ESYT2: variants seen among roughly 807,000 people sequenced by gnomAD.
ESYT2 encodes extended synaptotagmin-2.
In ESYT2, 54 loss-of-function variants were observed where a neutral mutation model predicts 107.2. The observed-to-expected ratio is 0.50, with a 90% CI of 0.40 to 0.63. ESYT2 has a LOEUF of 0.63. Among genes scored for constraint, ESYT2 ranks in the 30% least tolerant of loss-of-function variants. The pLI, the probability that ESYT2 is intolerant of heterozygous loss-of-function variation, is 0.00. For missense variants in ESYT2, 1,020 were observed against 1,094.5 expected, an observed-to-expected ratio of 0.93 and a Z score of 0.96; for synonymous variants, 491 against 434.1, an observed-to-expected ratio of 1.13 and a Z score of -1.63.
chr7:158,760,942 T>C (rs1837939918), intron 11 of ESYT2, among the ~76,000 whole-genome samples: 1 of 152,252 alleles, frequency 6.6e-6, no homozygotes, highest in Non-Finnish European at 1.5e-5. Context: ...TCAACACTTT[T>C]GTTTAATTTT....
At chr7:158,762,688 G>A (rs1469694307) in intron 10 of ESYT2, among the ~76,000 whole-genome samples, 1 of 152,084 alleles carries the variant, frequency 6.6e-6, no homozygotes, top group African/African-American at 2.4e-5. Flanking sequence ...AATTAATCCA[G>A]CAACTCAAAA....
In ESYT2 at chr7:158,752,863, C is replaced by T. The variant is rs1338495711; in HGVS notation, c.1420-20G>A. ...GTTACTCTTTCAAGTCAGAAGAAAACGAATATGCCAAGGGTTAATAAAACA... is the reference window on the plus strand; with the variant it reads ...GTTACTCTTTCAAGTCAGAAGAAAATGAATATGCCAAGGGTTAATAAAACA... On this transcript the variant is annotated intron_variant, in intron 13 of 22. Transcript: ENST00000275418. The T allele has an allele frequency of 1.4e-5, 18 of 1,292,502 alleles. No individual in the cohort carries two copies. Among genetic ancestry groups the T allele is most frequent in the African/African-American group, 3.1e-5 (2 of 65,550 alleles). The allele number at this position is 1,292,502 out of a possible 1,614,324, so 80.1% of individuals were successfully genotyped here. A position where few individuals can be genotyped will look rare whatever the true frequency, so the allele number is the denominator to read the frequency against.
chr7:158,747,692 G>A (rs916388877), intron 16 of ESYT2, among the ~76,000 whole-genome samples: 2 of 152,100 alleles, frequency 1.3e-5, no homozygotes, highest in African/African-American at 4.8e-5. Context: ...ACCTGCTCCT[G>A]GGCATTTTAC....
chr7:158,823,290 G>C (rs1840337892), intron 1 of ESYT2, among the ~76,000 whole-genome samples: 1 of 67,148 alleles, frequency 1.5e-5, no homozygotes, highest in African/African-American at 8.0e-5. Flanking sequence ...GTGAGACTCT[G>C]TCTCAAAAAA....
chr7:158,773,139 T>G (rs574703361), intron 7 of ESYT2, among the ~76,000 whole-genome samples: 4 of 152,056 alleles, frequency 2.6e-5, no homozygotes, highest in African/African-American at 9.7e-5. Context: ...CCTCCCGCCC[T>G]GGCCCATCGC....
At chr7:158,781,878 CAA>C (rs1838841421) in intron 6 of ESYT2, among the ~76,000 whole-genome samples, 1 of 141,598 alleles carries the variant, frequency 7.1e-6, no homozygotes, top group South Asian at 2.2e-4. Context: ...AGAACGAGAA[CAA>C]GTAAGAACGA....
intron 18 of ESYT2, among the ~76,000 whole-genome samples, chr7:158,740,539 T>C (rs555170546): frequency 8.1e-6 from 1 of 123,614 alleles, no homozygotes; most frequent in African/African-American, 3.1e-5. Context: ...CTGATGAGAC[T>C]GCAGCGCCCT....
At position 158,735,513 on chromosome 7, in the gene ESYT2, A is replaced by G. The variant is rs1390162796; in HGVS notation, c.2495T>C (p.Leu832Pro). 2 of 1,613,982 alleles carry G rather than the reference A, an allele frequency of 1.2e-6. No homozygotes were observed. Among genetic ancestry groups the G allele is most frequent in the Admixed American group, 1.7e-5 (1 of 60,002 alleles). Residue 832 changes from leucine (L) to proline (P), a missense_variant, in exon 21 of 23, where the codon CTC (leucine) becomes CCC (proline). Transcript: ENST00000275418. ...SGGFLSKDKG[L>P]LGKVLVALAS... ...TCGTTTGGCACTTACTTTGCCAAGGAGCCCTTTGTCTTTGGACAGGAAGCC... is the reference window on the plus strand; with the variant it reads ...TCGTTTGGCACTTACTTTGCCAAGGGGCCCTTTGTCTTTGGACAGGAAGCC...
intron 1 of ESYT2, among the ~76,000 whole-genome samples, chr7:158,807,241 A>G (rs977112400): frequency 8.6e-6 from 1 of 116,022 alleles, no homozygotes; most frequent in Admixed American, 1.1e-4. Context: ...ACAGAGCAAG[A>G]CTCCGTCTGA....
chr7:158,734,292 G>A (rs1836840781), intron 22 of ESYT2, 40 bp from the exon 23 acceptor site: 3 of 1,613,696 alleles, frequency 1.9e-6, no homozygotes, highest in African/African-American at 1.3e-5. Flanking sequence ...ACGGATACAG[G>A]ACCAAGTAGG....
rs1236721635 is a variant in ESYT2 at position 158,829,090 on chromosome 7, C to T, written c.329G>A (p.Trp110Ter). 6.3e-7 allele frequency: 1 copy of T among 1,583,828 alleles called. No homozygotes were observed. The highest frequency in any genetic ancestry group is 8.5e-7 in the Non-Finnish European group (1 of 1,174,120). ...LGVRACDLPA[W>*]VHFPDTERAE... ...GGACGGGCAGGGGTCTGCACTCACC[C>T]AGGCGGGCAGGTCGCAGGCGCGCAC... Residue 110 changes from tryptophan to a stop codon, truncating the protein, a stop_gained and splice_region_variant, in exon 1 of 23, where the codon TGG (tryptophan) becomes TAG (stop). Coordinates refer to ENST00000275418, the MANE Select transcript of ESYT2 (RefSeq NM_001367773.1). LOFTEE classifies it high-confidence loss of function.
intron 14 of ESYT2, 74 bp downstream of exon 14, chr7:158,752,707 A>C: frequency 1.9e-6 from 2 of 1,063,928 alleles, no homozygotes; most frequent in Non-Finnish European, 2.5e-6. Context: ...TTTGCCAATA[A>C]ACTTATGAGA....
chr7:158,733,445 A>T lies in ESYT2; in HGVS notation c.*762T>A, dbSNP rs879470004. ...CATGAGTAAGTTACAACAGCAATTA[A>T]AATAAACATAAGACACTTCATTTTT... On this transcript the variant is annotated 3_prime_UTR_variant, in exon 23 of 23. Transcript: ENST00000275418. 6.6e-6 allele frequency: 1 copy of T among 152,240 alleles called. No homozygotes were observed. The highest frequency in any genetic ancestry group is 1.5e-5 in the Non-Finnish European group (1 of 68,046). 9.4% of individuals were successfully genotyped at this position (152,240 alleles called of 1,614,324 possible).
chr7:158,767,976 A>C (rs1307926428), intron 7 of ESYT2, among the ~76,000 whole-genome samples: 1 of 152,218 alleles, frequency 6.6e-6, no homozygotes, highest in East Asian at 1.9e-4. Flanking sequence ...TATGATACAG[A>C]ATTTATTTAT....
At chr7:158,797,715 G>A (rs1839506368) in intron 3 of ESYT2, among the ~76,000 whole-genome samples, 1 of 152,060 alleles carries the variant, frequency 6.6e-6, no homozygotes, top group Middle Eastern at 3.4e-3. Flanking sequence ...TTAGCCGGGC[G>A]TGGTGGAGGG....
chr7:158,787,566 T>C (rs1383065828), intron 6 of ESYT2, among the ~76,000 whole-genome samples: 1 of 152,234 alleles, frequency 6.6e-6, no homozygotes, highest in Non-Finnish European at 1.5e-5. Flanking sequence ...TGTATCAGAC[T>C]AAACTGGATC....
chr7:158,758,589 T>C (rs578254224), intron 13 of ESYT2, among the ~76,000 whole-genome samples: 33 of 152,326 alleles, frequency 2.2e-4, no homozygotes, highest in African/African-American at 7.0e-4. Context: ...GGAGGAATTA[T>C]GCAATGAACA....
intron 6 of ESYT2, among the ~76,000 whole-genome samples, chr7:158,782,078 T>A (rs1399085224): frequency 6.7e-6 from 1 of 149,312 alleles, no homozygotes; most frequent in Non-Finnish European, 1.5e-5. Context: ...GTGGTGTATG[T>A]AAGAACAAAT....
chr7:158,792,775 T>TGG (rs1236380008), intron 4 of ESYT2, among the ~76,000 whole-genome samples: 2 of 143,880 alleles, frequency 1.4e-5, no homozygotes, highest in Admixed American at 1.4e-4. Flanking sequence ...TTTTTTTTTT[T>TGG]TTTTTTTTTT....
Sources: allele counts gnomAD v4.1 joint callset (sites outside exome capture counted in the v4.1 genomes callset), GRCh38; gene constraint gnomAD v4.1.1; transcripts MANE v1.5; gene names NCBI Gene and HGNC (gene_info 2026-07-23, HGNC 2026-07-21).